The following SAMD4A variants were observed in gnomAD, a reference collection of about 807,000 sequenced individuals.
SAMD4A encodes protein Smaug homolog 1.
Under a neutral mutation model 81.3 loss-of-function variants are expected in SAMD4A, and 33 were observed. The observed-to-expected ratio is 0.41, with a 90% confidence interval of 0.31 to 0.54. The LOEUF (loss-of-function observed/expected upper bound fraction) is 0.54. Among genes scored for constraint, SAMD4A ranks in the 20% least tolerant of loss-of-function variants. SAMD4A has a pLI of 0.37. For missense variants in SAMD4A, 854 were observed against 951.1 expected (o/e 0.90, Z 1.34); for synonymous variants, 389 against 382.1 (o/e 1.02, Z -0.21).
chr14:54,697,998 A>C (rs1279055635), intron 2 of SAMD4A, among the ~76,000 whole-genome samples: 4 of 152,200 alleles, frequency 2.6e-5, no homozygotes, highest in African/African-American at 9.6e-5. Flanking sequence ...GGGAGGCCAT[A>C]ATGCCTTTTA....
At position 54,616,291 on chromosome 14, in the gene SAMD4A, T is replaced by C. The variant is rs372013745; in HGVS notation, c.196+48179T>C. ...AGGGGGAAATACCTTTCTATAACTATTGAATTATGGGACAATGCCTATTTT... is the reference window on the plus strand; with the variant it reads ...AGGGGGAAATACCTTTCTATAACTACTGAATTATGGGACAATGCCTATTTT... On this transcript the variant is annotated intron_variant, in intron 2 of 12. Coordinates refer to ENST00000554335, the MANE Select transcript of SAMD4A (RefSeq NM_015589.6). 2.0e-5 allele frequency among the ~76,000 whole-genome samples: 3 copies of C among 152,368 alleles called. No homozygotes were observed. The East Asian group carries it at 5.8e-4, about 29-fold the overall frequency.
At chr14:54,725,319 C>T (rs1195856163) in intron 3 of SAMD4A, among the ~76,000 whole-genome samples, 1 of 152,128 alleles carries the variant, frequency 6.6e-6, no homozygotes. Flanking sequence ...TCCTGACCCT[C>T]CATAAAATAC....
intron 2 of SAMD4A, among the ~76,000 whole-genome samples, chr14:54,687,021 G>C (rs149608570): frequency 7.2e-6 from 1 of 139,860 alleles, no homozygotes; most frequent in South Asian, 2.2e-4. Flanking sequence ...GTGATTCATG[G>C]AGCTGACCCT....
intron 7 of SAMD4A, 69 bp from the exon 8 acceptor site, chr14:54,764,386 A>G (rs1483573839): frequency 7.6e-6 from 8 of 1,046,262 alleles, no homozygotes; most frequent in Non-Finnish European, 1.2e-5. Context: ...CTGAAGGGAA[A>G]TGAGAGTCAG....
At chr14:54,604,277 GC>G (rs2034140065) in intron 2 of SAMD4A, among the ~76,000 whole-genome samples, 1 of 152,176 alleles carries the variant, frequency 6.6e-6, no homozygotes, top group South Asian at 2.1e-4. Context: ...TTCCCACAAT[GC>G]CTTTTAACAA....
intron 2 of SAMD4A, among the ~76,000 whole-genome samples, chr14:54,678,715 A>C (rs1257911249): frequency 1.3e-5 from 2 of 151,706 alleles, no homozygotes; most frequent in African/African-American, 2.4e-5. Context: ...CTTCCGGCTA[A>C]TTTTTTGCAT....
intron 8 of SAMD4A, 28 bp downstream of exon 8, chr14:54,764,568 A>ATT (rs752140042): frequency 3.3e-5 from 41 of 1,238,194 alleles, no homozygotes; most frequent in South Asian, 7.5e-5. Context: ...TTACAAAACC[A>ATT]TTTTTTTTTT....
chr14:54,653,146 C>A (rs984702338), intron 2 of SAMD4A, among the ~76,000 whole-genome samples: 1 of 151,812 alleles, frequency 6.6e-6, no homozygotes, highest in Non-Finnish European at 1.5e-5. Flanking sequence ...CTCTTCCTTG[C>A]TGTCAGCCAT....
chr14:54,611,163 A>C (rs1206433384), intron 2 of SAMD4A, among the ~76,000 whole-genome samples: 1 of 152,236 alleles, frequency 6.6e-6, no homozygotes, highest in African/African-American at 2.4e-5. Flanking sequence ...AAAAAAACCT[A>C]AAAAATTCAA....
chr14:54,578,321 A>G (rs2033364920), intron 2 of SAMD4A, among the ~76,000 whole-genome samples: 1 of 152,176 alleles, frequency 6.6e-6, no homozygotes, highest in Non-Finnish European at 1.5e-5. Flanking sequence ...TCAGGAATGA[A>G]GATAGGAACA....
At chr14:54,695,969 A>G (rs60482705) in intron 2 of SAMD4A, among the ~76,000 whole-genome samples, 4,140 of 149,658 alleles carry the variant, frequency 0.028, 103 homozygotes, top group South Asian at 0.064. Context: ...AAAAAAAAAA[A>G]AAAAGAAAAA....
At chr14:54,784,699 G>A (rs888793854) in intron 12 of SAMD4A, 79 bp downstream of exon 12, 25 of 1,304,640 alleles carry the variant, frequency 1.9e-5, no homozygotes, top group Admixed American at 6.7e-5. Flanking sequence ...TGTCTATACC[G>A]TGGCAGGAGC....
chr14:54,769,946 C>T (rs1443200206), intron 8 of SAMD4A, among the ~76,000 whole-genome samples, 158 bp from the exon 9 acceptor site: 1 of 152,136 alleles, frequency 6.6e-6, no homozygotes, highest in Non-Finnish European at 1.5e-5. Flanking sequence ...CAAAATAGGG[C>T]AGCTCCCAAA....
chr14:54,589,305 A>G (rs571991933), intron 2 of SAMD4A, among the ~76,000 whole-genome samples: 2 of 152,296 alleles, frequency 1.3e-5, no homozygotes, highest in Admixed American at 1.3e-4. Context: ...TTCAAAGATG[A>G]TAGTTCTCTG....
chr14:54,634,976 G>C (rs1005806276), intron 2 of SAMD4A, among the ~76,000 whole-genome samples: 1 of 152,316 alleles, frequency 6.6e-6, no homozygotes, highest in East Asian at 1.9e-4. Context: ...CTTGGTCACT[G>C]TATCCTGCTA....
chr14:54,618,418 C>G (rs1459420964), intron 2 of SAMD4A, among the ~76,000 whole-genome samples: 1 of 152,112 alleles, frequency 6.6e-6, no homozygotes, highest in Non-Finnish European at 1.5e-5. Flanking sequence ...ATTTACAGTT[C>G]TTAGATTTTT....
At chr14:54,582,866 A>G (rs1380026013) in intron 2 of SAMD4A, among the ~76,000 whole-genome samples, 1 of 152,256 alleles carries the variant, frequency 6.6e-6, no homozygotes, top group Non-Finnish European at 1.5e-5. Context: ...GGTGACAAAA[A>G]TTAAGAATTG....
At chr14:54,715,339 A>G (rs996285637) in intron 3 of SAMD4A, among the ~76,000 whole-genome samples, 1 of 152,112 alleles carries the variant, frequency 6.6e-6, no homozygotes, top group Non-Finnish European at 1.5e-5. Context: ...TTTGCTTCCA[A>G]AGTAGAATCT....
intron 2 of SAMD4A, 124 bp from the exon 3 acceptor site, chr14:54,701,938 T>C (rs1249011842): frequency 1.8e-6 from 2 of 1,089,578 alleles, no homozygotes; most frequent in African/African-American, 3.2e-5. Flanking sequence ...CACAGGCTCT[T>C]TTGAGAAAAT....
Sources: allele counts gnomAD v4.1 joint callset (sites outside exome capture counted in the v4.1 genomes callset), GRCh38; gene constraint gnomAD v4.1.1; transcripts MANE v1.5; gene names NCBI Gene and HGNC (gene_info 2026-07-23, HGNC 2026-07-21).